The following NPAS3 variants were observed in gnomAD, a reference collection of about 807,000 sequenced individuals.
NPAS3 encodes the protein neuronal PAS domain-containing protein 3.
NPAS3 carries 14 observed loss-of-function variants against 73.1 expected under a neutral mutation model. The ratio of observed to expected loss-of-function variants is 0.19; its 90% CI spans 0.13 to 0.30. NPAS3 has a LOEUF of 0.30. NPAS3 is among the 10% of genes least tolerant of loss of function. The probability of loss-of-function intolerance (pLI) is 1.00; values close to 1 mark genes in which losing one functional copy is unlikely to be tolerated. For synonymous variants in NPAS3, 620 were observed against 541.5 expected (o/e 1.14, Z -2.01); for missense variants, 1,096 against 1,250.0 (o/e 0.88, Z 1.86).
chr14:33,547,269 C>A (rs2054890273), intron 4 of NPAS3, among the ~76,000 whole-genome samples: 1 of 152,152 alleles, frequency 6.6e-6, no homozygotes, highest in South Asian at 2.1e-4. Flanking sequence ...TACTAAAGCA[C>A]AACCCCCAAG....
intron 3 of NPAS3, among the ~76,000 whole-genome samples, chr14:33,277,901 G>A (rs1172297965): frequency 1.3e-5 from 2 of 152,122 alleles, no homozygotes; most frequent in East Asian, 3.9e-4. Context: ...TTGTTGTGTA[G>A]ACAGTATACT....
rs375569560 is a variant in NPAS3, at chr14:33,504,867, C to G, written c.469-55254C>G. On this transcript the variant is annotated intron_variant, in intron 4 of 11. Coordinates refer to ENST00000356141, the Ensembl canonical transcript of NPAS3. ...TATGGGATTCTACGTGAGGAACACC[C>G]AGTAACCCAGACTTGGAAGACAGCT... Among the ~76,000 whole-genome samples the G allele has an allele frequency of 1.3e-4, 20 of 152,116 alleles. No individual in the cohort carries two copies. In the East Asian group the frequency reaches 3.1e-3, roughly 24 times the overall value.
intron 2 of NPAS3, among the ~76,000 whole-genome samples, chr14:33,163,166 T>C (rs2044971650): frequency 6.6e-6 from 1 of 152,244 alleles, no homozygotes. Flanking sequence ...TGGGCTATTG[T>C]GAAGCTTCAC....
chr14:33,082,497 T>A lies in NPAS3; in HGVS notation c.140+26503T>A, dbSNP rs73266802. Among the ~76,000 whole-genome samples, 546 of 152,354 alleles carry A rather than the reference T, an allele frequency of 3.6e-3. 5 individuals carry two copies. Among genetic ancestry groups the A allele is most frequent in the African/African-American group, 0.013 (526 of 41,582 alleles). On this transcript the variant is annotated intron_variant, in intron 2 of 11. Coordinates refer to ENST00000356141, the Ensembl canonical transcript of NPAS3. ...ATTGAAGTATATTCTGCCACTACCA[T>A]TGTGTTTTACCGTGTCGATTTGACA...
At chr14:33,255,600 A>G (rs1161021155) in intron 3 of NPAS3, among the ~76,000 whole-genome samples, 3 of 152,052 alleles carry the variant, frequency 2.0e-5, no homozygotes, top group African/African-American at 7.2e-5. Flanking sequence ...TTTGTCCTTA[A>G]CTTTGGCCAG....
chr14:33,496,013 C>T (rs1025527127), intron 4 of NPAS3, among the ~76,000 whole-genome samples: 19 of 151,950 alleles, frequency 1.3e-4, no homozygotes, highest in African/African-American at 3.4e-4. Flanking sequence ...AAAATGATAA[C>T]GGGGAATATC....
chr14:33,061,716 C>G (rs1278093190), intron 2 of NPAS3, among the ~76,000 whole-genome samples: 1 of 152,146 alleles, frequency 6.6e-6, no homozygotes, highest in African/African-American at 2.4e-5. Context: ...CTTTTCTACA[C>G]GAACTGTTCT....
At chr14:33,442,926 G>T (rs1040025854) in intron 4 of NPAS3, among the ~76,000 whole-genome samples, 2 of 152,132 alleles carry the variant, frequency 1.3e-5, no homozygotes, top group African/African-American at 4.8e-5. Flanking sequence ...AAGAGGTAAG[G>T]TTGAATCTTG....
At chr14:33,691,481 T>C (rs12590315) in intron 6 of NPAS3, among the ~76,000 whole-genome samples, 20,575 of 152,186 alleles carry the variant, frequency 0.14, 1,640 homozygotes, top group South Asian at 0.23. Flanking sequence ...TAAAAATCTG[T>C]CAACGAATCT....
At chr14:33,295,825 A>C (rs2042275635) in intron 3 of NPAS3, among the ~76,000 whole-genome samples, 1 of 152,230 alleles carries the variant, frequency 6.6e-6, no homozygotes, top group East Asian at 1.9e-4. Flanking sequence ...TTGGAGATGA[A>C]CAGTATTGCT....
chr14:32,938,445 C>G (rs1313360284), upstream of NPAS3, among the ~76,000 whole-genome samples: 1 of 96,294 alleles, frequency 1.0e-5, no homozygotes, highest in Non-Finnish European at 2.1e-5. Context: ...GCCTCCCAGT[C>G]CCCCAACGAG....
intron 5 of NPAS3, among the ~76,000 whole-genome samples, chr14:33,594,997 A>T (rs1193984138): frequency 1.3e-5 from 2 of 152,162 alleles, no homozygotes; most frequent in Non-Finnish European, 2.9e-5. Context: ...AAAGGAGAAA[A>T]CCATGCCATT....
intron 2 of NPAS3, among the ~76,000 whole-genome samples, chr14:33,109,176 C>T (rs911590497): frequency 1.3e-5 from 2 of 152,116 alleles, no homozygotes; most frequent in Admixed American, 6.6e-5. Flanking sequence ...AGGATTGTGT[C>T]ACAGAAGGGG....
chr14:33,591,791 G>C (rs557329424), intron 5 of NPAS3, among the ~76,000 whole-genome samples: 25 of 152,134 alleles, frequency 1.6e-4, no homozygotes, highest in African/African-American at 5.8e-4. Flanking sequence ...TGAGGGAAAC[G>C]TATGTAACAT....
chr14:33,275,586 A>G (rs1165290905), intron 3 of NPAS3, among the ~76,000 whole-genome samples: 2 of 152,206 alleles, frequency 1.3e-5, no homozygotes, highest in Non-Finnish European at 2.9e-5. Context: ...ATAATGAATT[A>G]AGTAATTTTG....
At chr14:33,407,400 C>T (rs2047714690) in intron 4 of NPAS3, among the ~76,000 whole-genome samples, 1 of 152,146 alleles carries the variant, frequency 6.6e-6, no homozygotes, top group African/African-American at 2.4e-5. Context: ...ACTGATGTGG[C>T]ATTTCCTTCC....
At chr14:33,608,441 C>T (rs1356177162) in intron 5 of NPAS3, 2 of 152,126 alleles carry the variant, frequency 1.3e-5, no homozygotes, top group South Asian at 2.1e-4. Flanking sequence ...TATGCTCAAA[C>T]GTGGTTATTT....
chr14:33,216,608 T>C (rs1339159709), intron 3 of NPAS3, among the ~76,000 whole-genome samples: 1 of 152,232 alleles, frequency 6.6e-6, no homozygotes, highest in Non-Finnish European at 1.5e-5. Flanking sequence ...GGCCATGTAG[T>C]AAATATTTTA....
At chr14:33,048,450 C>T (rs942101108) in intron 1 of NPAS3, among the ~76,000 whole-genome samples, 11 of 152,176 alleles carry the variant, frequency 7.2e-5, no homozygotes, top group East Asian at 1.9e-4. Context: ...AGTCAGGCTG[C>T]GCCTTCAGAT....
Sources: gnomAD v4.1 joint callset for allele counts (sites outside exome capture counted in the v4.1 genomes callset) on GRCh38, gnomAD v4.1.1 for gene constraint, MANE v1.5 for transcripts, NCBI Gene and HGNC (gene_info 2026-07-23, HGNC 2026-07-21) for gene names.